Variants in CELF2 observed in about 807,000 individuals in gnomAD.
The protein encoded by CELF2 is CUGBP Elav-like family member 2, also known as CUG triplet repeat RNA-binding protein 2.
A neutral mutation model predicts 62.6 loss-of-function variants in CELF2; 8 were observed. That is an observed-to-expected ratio of 0.13 (90% CI 0.07 to 0.23). CELF2 has a LOEUF of 0.23. Ranked by LOEUF, CELF2 falls within the 10% of genes least tolerant of loss-of-function variation. CELF2 has a pLI of 1.00. For missense variants in CELF2, 333 were observed against 671.0 expected (o/e 0.50, Z 5.56); for synonymous variants, 258 against 250.0 (o/e 1.03, Z -0.30).
the CELF2 span, among the ~76,000 whole-genome samples, chr10:10,691,582 A>G: frequency 6.6e-6 from 1 of 152,156 alleles, no homozygotes; most frequent in Non-Finnish European, 1.5e-5. Flanking sequence ...GAATCACCAC[A>G]CTGACTTCCA....
At chr10:10,991,560 T>A (rs983764347) in intron 2 of CELF2, among the ~76,000 whole-genome samples, 1 of 152,204 alleles carries the variant, frequency 6.6e-6, no homozygotes, top group African/African-American at 2.4e-5. Flanking sequence ...ATTAGACTGT[T>A]ACACTGAGAC....
chr10:11,230,480 G>A (rs1176977571), intron 3 of CELF2, among the ~76,000 whole-genome samples: 1 of 152,182 alleles, frequency 6.6e-6, no homozygotes, highest in Non-Finnish European at 1.5e-5. Flanking sequence ...GGGTTGCTGT[G>A]TTCCCTCATC....
chr10:11,270,291 A>G lies in CELF2; in HGVS notation c.619-375A>G, dbSNP rs1182006552. Among the ~76,000 whole-genome samples, 1 of 152,192 alleles carries G rather than the reference A, an allele frequency of 6.6e-6. No homozygotes were observed. Among genetic ancestry groups the G allele is most frequent in the Non-Finnish European group, 1.5e-5 (1 of 68,024 alleles). ...ACCTGTGGACACGGGCAGACACACAAAGCCAAGTCTGTCTTTAAGACGAGC... is the reference window on the plus strand; with the variant it reads ...ACCTGTGGACACGGGCAGACACACAGAGCCAAGTCTGTCTTTAAGACGAGC... On this transcript the variant is annotated intron_variant, in intron 6 of 12. Coordinates refer to ENST00000633077, the MANE Select transcript of CELF2 (RefSeq NM_001326342.2). This position sits in a 1 kb window ranked among gnomAD's most constrained non-coding sequence, Gnocchi z 5.8.
At chr10:10,634,958 C>CCT in the CELF2 span, among the ~76,000 whole-genome samples, 1 of 152,174 alleles carries the variant, frequency 6.6e-6, no homozygotes, top group East Asian at 1.9e-4. Flanking sequence ...CCTGTTTTGG[C>CCT]TCAGCCCTCC....
intron 1 of CELF2, among the ~76,000 whole-genome samples, chr10:11,073,594 A>G (rs2070851973): frequency 6.6e-6 from 1 of 152,204 alleles, no homozygotes; most frequent in Admixed American, 6.5e-5. Flanking sequence ...TAAAGACTTC[A>G]TGTGTGGACT....
rs887530103 is a variant in CELF2, at chr10:11,145,909, T to C, written c.75-19577T>C. 6.6e-6 allele frequency among the ~76,000 whole-genome samples: 1 copy of C among 152,234 alleles called. No homozygotes were observed. Among genetic ancestry groups the C allele is most frequent in the African/African-American group, 2.4e-5 (1 of 41,462 alleles). On this transcript the variant is annotated intron_variant, in intron 1 of 12. Coordinates refer to ENST00000633077, the MANE Select transcript of CELF2 (RefSeq NM_001326342.2). This position sits in a 1 kb window ranked among gnomAD's most constrained non-coding sequence, Gnocchi z 4.3. ...GAGAATTATTCCTTATGTATACTTT[T>C]TTCTTTTTCATTTTCTAACTACTAC...
chr10:11,099,087 A>G (rs571433287), intron 1 of CELF2, among the ~76,000 whole-genome samples: 6 of 152,246 alleles, frequency 3.9e-5, no homozygotes, highest in Non-Finnish European at 7.3e-5. Flanking sequence ...ACAGCGTCCC[A>G]TCTTTCAGGA....
intron 1 of CELF2, among the ~76,000 whole-genome samples, chr10:10,814,972 T>C (rs946985041): frequency 6.6e-6 from 1 of 152,174 alleles, no homozygotes; most frequent in Admixed American, 6.5e-5. Context: ...TCTTCCTTAA[T>C]AAATTACCAC....
chr10:11,120,103 C>A (rs1595664339), intron 1 of CELF2, among the ~76,000 whole-genome samples: 1 of 152,104 alleles, frequency 6.6e-6, no homozygotes, highest in Non-Finnish European at 1.5e-5. Flanking sequence ...TCATTTGAGT[C>A]AGCAAGCATC....
At chr10:10,603,193 T>C in the CELF2 span, among the ~76,000 whole-genome samples, 1 of 151,994 alleles carries the variant, frequency 6.6e-6, no homozygotes, top group Non-Finnish European at 1.5e-5. Context: ...GCTTTAATAG[T>C]GTACTGCTCT....
At chr10:10,750,335 G>A in the CELF2 span, among the ~76,000 whole-genome samples, 1 of 151,958 alleles carries the variant, frequency 6.6e-6, no homozygotes, top group East Asian at 1.9e-4. Flanking sequence ...TCACTGAAAG[G>A]ATCAGTCCTA....
At position 11,078,415 on chromosome 10, in the gene CELF2, TA is replaced by T. The variant is rs1228375691; in HGVS notation, c.74+60254del. On this transcript the variant is annotated intron_variant, in intron 1 of 12. Coordinates refer to ENST00000633077, the MANE Select transcript of CELF2 (RefSeq NM_001326342.2). Reference sequence around the variant, plus strand: ...TCCAGAGCTGAACGAGTTCTACCTATAACAGGTGCTCACAGAGAATAACACA... The same window carrying T: ...TCCAGAGCTGAACGAGTTCTACCTATACAGGTGCTCACAGAGAATAACACA... Among the ~76,000 whole-genome samples the T allele has an allele frequency of 3.9e-5, 6 of 152,340 alleles. No homozygotes were observed. The East Asian group carries it at 1.2e-3, about 29-fold the overall frequency.
intron 1 of CELF2, among the ~76,000 whole-genome samples, chr10:10,820,353 ACT>A (rs772223887): frequency 6.6e-6 from 1 of 152,048 alleles, no homozygotes; most frequent in Admixed American, 6.6e-5. Context: ...CATTGCTCCA[ACT>A]CTCTGCATTG....
chr10:11,032,390 G>A (rs2060271547), intron 1 of CELF2, among the ~76,000 whole-genome samples: 1 of 152,048 alleles, frequency 6.6e-6, no homozygotes, highest in Admixed American at 6.6e-5. Flanking sequence ...AGCTGAGGTG[G>A]GGGAATCGCT....
intron 1 of CELF2, among the ~76,000 whole-genome samples, chr10:11,088,937 T>C (rs770626041): frequency 2.0e-5 from 3 of 152,208 alleles, no homozygotes; most frequent in Non-Finnish European, 4.4e-5. Flanking sequence ...AGCTGGTGAC[T>C]GAAGCACATG....
At chr10:11,023,136 A>G (rs1487130229) in intron 1 of CELF2, among the ~76,000 whole-genome samples, 1 of 152,164 alleles carries the variant, frequency 6.6e-6, no homozygotes, top group Non-Finnish European at 1.5e-5. Flanking sequence ...GGCCATCACA[A>G]AGAGTTAGAT....
the CELF2 span, among the ~76,000 whole-genome samples, chr10:10,490,639 A>T: frequency 3.3e-5 from 5 of 152,276 alleles, no homozygotes; most frequent in East Asian, 9.6e-4. Flanking sequence ...ACAGGTACAC[A>T]CACATTACAT....
chr10:11,172,920 C>A (rs1428184558), intron 2 of CELF2, among the ~76,000 whole-genome samples: 2 of 152,156 alleles, frequency 1.3e-5, no homozygotes, highest in Non-Finnish European at 2.9e-5. Flanking sequence ...GAACAGACTT[C>A]TTTGGTAGAA....
At chr10:11,183,828 T>A (rs2074141925) in intron 2 of CELF2, among the ~76,000 whole-genome samples, 1 of 152,250 alleles carries the variant, frequency 6.6e-6, no homozygotes. Context: ...TTGATCAAAG[T>A]ACTTCACTAG....
Sources: allele counts gnomAD v4.1 joint callset (sites outside exome capture counted in the v4.1 genomes callset), GRCh38; gene constraint gnomAD v4.1.1; non-coding constraint Gnocchi (gnomAD v3.1); transcripts MANE v1.5; gene names NCBI Gene and HGNC (gene_info 2026-07-23, HGNC 2026-07-21).